The following TRPS1 variants were observed in gnomAD, a reference collection of about 807,000 sequenced individuals.
The protein encoded by TRPS1 is zinc finger transcription factor Trps1.
In TRPS1, 6 loss-of-function variants were observed where a neutral mutation model predicts 101.2. The observed-to-expected ratio is 0.06, with a 90% confidence interval of 0.03 to 0.12. The LOEUF (loss-of-function observed/expected upper bound fraction) is 0.12. TRPS1 is among the 10% of genes least tolerant of loss of function. TRPS1 has a pLI of 1.00. For synonymous variants in TRPS1, 578 were observed against 589.8 expected (o/e 0.98, Z 0.29); for missense variants, 1,363 against 1,567.0 (o/e 0.87, Z 2.20).
At chr8:115,612,569 T>G (rs187385053) in intron 3 of TRPS1, among the ~76,000 whole-genome samples, 2 of 152,288 alleles carry the variant, frequency 1.3e-5, no homozygotes, top group East Asian at 3.9e-4. Context: ...GACTTTGAAG[T>G]GCCAATGAAT....
At chr8:115,496,894 C>T (rs1013786037) in intron 5 of TRPS1, among the ~76,000 whole-genome samples, 3 of 152,080 alleles carry the variant, frequency 2.0e-5, no homozygotes, top group African/African-American at 7.2e-5. Flanking sequence ...ACTATTTTTA[C>T]TCTTATACAC....
rs572907244 is a variant in TRPS1 at position 115,418,734 on chromosome 8, A to C, written c.2701-282T>G. On this transcript the variant is annotated intron_variant, in intron 5 of 6. Transcript: ENST00000395715. The surrounding 1 kb of genome is among the most constrained non-coding windows in gnomAD (Gnocchi z 4.3). ...TTTTATGGCTTTAATGATGGCTCCT[A>C]AATGCTGAACCCTAAAATATACCTT... is the stretch of plus-strand genomic sequence containing the variant. Among the ~76,000 whole-genome samples the C allele has an allele frequency of 6.6e-6, 1 of 152,328 alleles. No homozygotes were observed. The highest frequency in any genetic ancestry group is 2.1e-4 in the South Asian group (1 of 4,828).
intron 5 of TRPS1, among the ~76,000 whole-genome samples, chr8:115,578,303 C>T (rs989458420): frequency 1.3e-5 from 2 of 152,056 alleles, no homozygotes; most frequent in African/African-American, 4.8e-5. Context: ...TTATTTTATA[C>T]CTTAAAAATT....
At chr8:115,425,112 A>G (rs963915100) in intron 5 of TRPS1, among the ~76,000 whole-genome samples, 1 of 152,224 alleles carries the variant, frequency 6.6e-6, no homozygotes, top group African/African-American at 2.4e-5. Flanking sequence ...TACCAGGAGC[A>G]CAGGCTGGCC....
At chr8:115,623,493 C>A in intron 2 of TRPS1, 108 bp downstream of exon 2, 1 of 1,320,842 alleles carries the variant, frequency 7.6e-7, no homozygotes, top group Non-Finnish European at 1.1e-6. Flanking sequence ...AGACTATAGC[C>A]ACCCTCAAGT....
chr8:115,667,785 G>C lies in TRPS1; in HGVS notation c.-122+760C>G. ...CATTTGCAAACTCTTCAAAGCCAAA[G>C]GCAGTCCTGTGCTGTTTTCCCACTT... On this transcript the variant is annotated intron_variant, in intron 1 of 6. Transcript: ENST00000395715. The C allele has an allele frequency of 2.0e-6, 3 of 1,497,608 alleles. No homozygotes were observed. In the East Asian group the frequency reaches 7.4e-5, roughly 37 times the overall value. 92.8% of individuals were successfully genotyped at this position (1,497,608 alleles called of 1,614,324 possible). A position where few individuals can be genotyped will look rare whatever the true frequency, so the allele number is the denominator to read the frequency against.
At chr8:115,473,731 A>G (rs936697304) in intron 5 of TRPS1, among the ~76,000 whole-genome samples, 2 of 152,172 alleles carry the variant, frequency 1.3e-5, no homozygotes, top group Admixed American at 1.3e-4. Flanking sequence ...CTATCCAATA[A>G]AACACTTCAC....
intron 4 of TRPS1, among the ~76,000 whole-genome samples, chr8:115,593,023 G>A (rs779069959): frequency 6.6e-6 from 1 of 151,042 alleles, no homozygotes; most frequent in African/African-American, 2.4e-5. Context: ...TCACTATGTC[G>A]CCCAGGCTGG....
intron 5 of TRPS1, among the ~76,000 whole-genome samples, chr8:115,565,802 C>A (rs914955446): frequency 1.3e-5 from 2 of 151,978 alleles, no homozygotes; most frequent in African/African-American, 4.8e-5. Context: ...ACAATGCCAA[C>A]TAAAATAAAT....
intron 3 of TRPS1, 25 bp downstream of exon 3, chr8:115,619,107 C>A (rs1219878373): frequency 1.2e-6 from 2 of 1,612,252 alleles, no homozygotes; most frequent in Non-Finnish European, 1.7e-6. Flanking sequence ...TTTTTCTGTA[C>A]AAAGAGACAA....
chr8:115,514,273 C>A (rs1383513604), intron 5 of TRPS1, among the ~76,000 whole-genome samples: 1 of 151,558 alleles, frequency 6.6e-6, no homozygotes, highest in African/African-American at 2.4e-5. Flanking sequence ...AAGCTTATGC[C>A]CCAAATCTAG....
rs751834988 is a variant in TRPS1 at position 115,414,078 on chromosome 8, C to T, written c.3830G>A (p.Arg1277Lys). The T allele has an allele frequency of 6.2e-7, 1 of 1,613,832 alleles. No individual in the cohort carries two copies. Among genetic ancestry groups the T allele is most frequent in the Non-Finnish European group, 8.5e-7 (1 of 1,179,852 alleles). The part of the protein sequence containing the change: ...DKYDFTTHIQ[R>K]GLHRNNAQVE... ...TTGTGCATTGTTCCTATGCAGGCCC[C>T]TCTGGATATGTGTTGTGAAGTCATA... Residue 1277 changes from arginine to lysine, a missense_variant, in exon 7 of 7, where the codon AGG (arginine) becomes AAG (lysine). Arg to Lys is a conservative substitution (Grantham distance 26). Coordinates refer to ENST00000395715, the MANE Select transcript of TRPS1 (RefSeq NM_014112.5). This position sits in a 1 kb window ranked among gnomAD's most constrained non-coding sequence, Gnocchi z 4.8.
Position 115,619,829 on chromosome 8 carries a change from C to T in TRPS1, c.269G>A (p.Ser90Asn), listed in dbSNP as rs1356877486. The T allele has an allele frequency of 5.0e-6, 8 of 1,614,078 alleles. No homozygotes were observed. The highest frequency in any genetic ancestry group is 3.3e-5 in the Admixed American group (2 of 60,008). ...PSSSSKKDLK[S>N]AVLSEKAGFN... is the part of the protein sequence containing the mutation. The stretch of plus-strand genomic sequence containing the variant: ...GCCAGCCTTCTCACTCAGAACTGCG[C>T]TTTTCAAGTCCTTCTTACTGCTAGA... Residue 90 changes from serine (S) to asparagine (N), a missense_variant, in exon 3 of 7, where the codon AGC becomes AAC. Ser to Asn is a conservative substitution (Grantham distance 46). Coordinates refer to ENST00000395715, the MANE Select transcript of TRPS1 (RefSeq NM_014112.5).
chr8:115,417,214 G>C (rs1000615897), intron 6 of TRPS1, among the ~76,000 whole-genome samples: 1 of 152,016 alleles, frequency 6.6e-6, no homozygotes, highest in African/African-American at 2.4e-5. Flanking sequence ...GAAACTTATT[G>C]CTATGCTTAA....
intron 5 of TRPS1, among the ~76,000 whole-genome samples, chr8:115,567,915 T>C (rs1563609688): frequency 6.6e-6 from 1 of 152,176 alleles, no homozygotes; most frequent in East Asian, 1.9e-4. Context: ...TACAGTGATC[T>C]TCTAGTTGTA....
chr8:115,653,042 A>G (rs1388224161), intron 1 of TRPS1, among the ~76,000 whole-genome samples: 2 of 152,116 alleles, frequency 1.3e-5, no homozygotes, highest in Non-Finnish European at 2.9e-5. Flanking sequence ...CCAACAAAAA[A>G]CGGTGTTTTC....
At chr8:115,582,973 G>A (rs1051156341) in intron 5 of TRPS1, among the ~76,000 whole-genome samples, 1 of 152,174 alleles carries the variant, frequency 6.6e-6, no homozygotes, top group African/African-American at 2.4e-5. Context: ...GATTTTCCAT[G>A]AGCTCCCCCT....
At chr8:115,640,817 A>C (rs1818878666) in intron 1 of TRPS1, among the ~76,000 whole-genome samples, 1 of 152,222 alleles carries the variant, frequency 6.6e-6, no homozygotes, top group Non-Finnish European at 1.5e-5. Flanking sequence ...AGTTTTGGAT[A>C]ATTACAGTTC....
At position 115,604,895 on chromosome 8, in the gene TRPS1, G is replaced by C. The variant is rs1172373576; in HGVS notation, c.1074C>G (p.Asn358Lys). The C allele has an allele frequency of 6.2e-7, 1 of 1,613,952 alleles. No homozygotes were observed. The highest frequency in any genetic ancestry group is 1.7e-5 in the Admixed American group (1 of 59,990). ...AATGTTGTTCTAATTCGGTGGATGA[G>C]TTGCCCATATAAGTGAAATTGCAGA... ...CKFCNFTYMG[N>K]SSTELEQHFL... Residue 358 changes from asparagine (N) to lysine (K), a missense_variant, in exon 4 of 7, where the codon AAC (asparagine) becomes AAG (lysine). Physicochemically the swap from Asn to Lys is moderately conservative, Grantham distance 94 (BLOSUM62 0). Around this residue, in one of 5 missense-constraint regions of TRPS1, gnomAD observed 1,020 missense variants for 1,073.0 expected, o/e 0.95. Coordinates refer to ENST00000395715, the MANE Select transcript of TRPS1 (RefSeq NM_014112.5). This position sits in a 1 kb window ranked among gnomAD's most constrained non-coding sequence, Gnocchi z 4.1.
Sources: gnomAD v4.1 joint callset for allele counts (sites outside exome capture counted in the v4.1 genomes callset) on GRCh38, gnomAD v4.1.1 for gene constraint, gnomAD v4.1.1 regional missense constraint, Gnocchi (gnomAD v3.1) non-coding constraint, MANE v1.5 for transcripts, NCBI Gene and HGNC (gene_info 2026-07-23, HGNC 2026-07-21) for gene names.